ADCY10: variants seen among roughly 807,000 people sequenced by gnomAD.
The protein encoded by ADCY10 is adenylate cyclase type 10.
A neutral mutation model predicts 183.3 loss-of-function variants in ADCY10; 156 were observed. The ratio of observed to expected loss-of-function variants is 0.85; its 90% CI spans 0.75 to 0.97. The LOEUF (loss-of-function observed/expected upper bound fraction) is 0.97, where lower values mean the gene tolerates loss of function less well. Ranked by LOEUF, ADCY10 falls within the 50% of genes least tolerant of loss-of-function variation. The pLI is 0.00. For missense variants in ADCY10, 1,745 were observed against 1,934.3 expected (o/e 0.90, Z 1.84); for synonymous variants, 645 against 670.0 (o/e 0.96, Z 0.58).
chr1:167,815,702 T>G (rs937876247), intron 31 of ADCY10, among the ~76,000 whole-genome samples: 2 of 152,166 alleles, frequency 1.3e-5, no homozygotes, highest in Non-Finnish European at 2.9e-5. Context: ...GAAGCAGACA[T>G]GACAGGGATG....
At chr1:167,909,234 G>GTATTCCATCAGGTGATGGAATATATA (rs1238801267) in intron 1 of ADCY10, among the ~76,000 whole-genome samples, 8 of 152,060 alleles carry the variant, frequency 5.3e-5, no homozygotes, top group Admixed American at 3.3e-4. Context: ...ATGCTATATA[G>GTATTCCATCAGGTGATGGAATATATA]TATTCCATCA....
chr1:167,908,944 A>G (rs570764279), intron 1 of ADCY10, among the ~76,000 whole-genome samples: 1 of 152,372 alleles, frequency 6.6e-6, no homozygotes, highest in African/African-American at 2.4e-5. Context: ...AGGAAAATGT[A>G]CAAATCATAA....
chr1:167,912,728 G>T (rs1007713800), intron 1 of ADCY10, among the ~76,000 whole-genome samples: 1 of 152,114 alleles, frequency 6.6e-6, no homozygotes, highest in Non-Finnish European at 1.5e-5. Context: ...CACTCCACAT[G>T]TGTCTGTGTC....
At chr1:167,818,355 T>G (rs754538929) in intron 30 of ADCY10, 88 bp from the exon 31 acceptor site, 2 of 1,195,284 alleles carry the variant, frequency 1.7e-6, no homozygotes, top group East Asian at 4.7e-5. Context: ...ATGTGCAGCT[T>G]CCTTTACCTG....
intron 8 of ADCY10, among the ~76,000 whole-genome samples, chr1:167,887,249 A>T (rs1020283789): frequency 6.6e-6 from 1 of 152,248 alleles, no homozygotes; most frequent in Non-Finnish European, 1.5e-5. Context: ...ATGCACATGT[A>T]TGTTTATTGT....
chr1:167,846,438 G>A (rs1406978220), intron 19 of ADCY10, among the ~76,000 whole-genome samples, 175 bp from the exon 20 acceptor site: 1 of 152,226 alleles, frequency 6.6e-6, no homozygotes, highest in Non-Finnish European at 1.5e-5. Context: ...GATAGCACTT[G>A]TGCTGGGAGT....
rs1240714692 is a variant in ADCY10, at chr1:167,878,729, C to T, written c.1217-94G>A. On this transcript the variant is annotated intron_variant, in intron 11 of 32. Coordinates refer to ENST00000367851, the MANE Select transcript of ADCY10 (RefSeq NM_018417.6). ...ATTGTCCCCAAATAGCATTTTTACCCTTTACTCCCTTTGCTGTTCATGAGT... is the reference window on the plus strand; with the variant it reads ...ATTGTCCCCAAATAGCATTTTTACCTTTTACTCCCTTTGCTGTTCATGAGT... 7.2e-6 allele frequency: 9 copies of T among 1,249,864 alleles called. No homozygotes were observed. In the African/African-American group the frequency reaches 1.3e-4, roughly 19 times the overall value. 77.4% of individuals were successfully genotyped at this position (1,249,864 alleles called of 1,614,324 possible).
intron 21 of ADCY10, among the ~76,000 whole-genome samples, chr1:167,843,364 G>A (rs564702623): frequency 1.8e-4 from 28 of 152,266 alleles, no homozygotes; most frequent in Admixed American, 9.2e-4. Context: ...GTGTATGTGT[G>A]TGTGTATATG....
rs561633689 is a variant in ADCY10, at chr1:167,859,533, C to T, written c.1896+274G>A. On this transcript the variant is annotated intron_variant, in intron 16 of 32. Coordinates refer to ENST00000367851, the MANE Select transcript of ADCY10 (RefSeq NM_018417.6). The stretch of plus-strand genomic sequence containing the variant: ...GCCTGCATATGTAACCACTTTGGTA[C>T]ATTATATCTCAACAAAGGATGAAAA... Among the ~76,000 whole-genome samples the T allele has an allele frequency of 5.9e-5, 9 of 152,068 alleles. No individual in the cohort carries two copies. The East Asian group carries it at 1.7e-3, about 29-fold the overall frequency.
At chr1:167,881,772 A>G (rs541227265) in intron 9 of ADCY10, among the ~76,000 whole-genome samples, 70 of 152,240 alleles carry the variant, frequency 4.6e-4, no homozygotes, top group Non-Finnish European at 9.6e-4. Flanking sequence ...GCTAAGTCTC[A>G]CAGCTGGGAA....
intron 7 of ADCY10, 25 bp downstream of exon 7, chr1:167,896,570 G>C: frequency 1.3e-6 from 2 of 1,562,096 alleles, no homozygotes; most frequent in Non-Finnish European, 1.8e-6. Flanking sequence ...AGAGGCAAAG[G>C]CATTTTTCCA....
In ADCY10 at chr1:167,870,303, G is replaced by T; in HGVS notation, c.1570C>A (p.Gln524Lys). The change falls in exon 14 of 33, where the codon CAG becomes AAG. Residue 524 changes from glutamine (Q) to lysine (K), a missense_variant. Transcript: ENST00000367851. ...YEGLPGYGKS[Q>K]ILMKIEYLAQ... ...AGGTACTCAATTTTCATAAGTATCT[G>T]GCTTTTTCCATATCCTGGTAATCCC... The T allele has an allele frequency of 6.2e-6, 10 of 1,613,982 alleles. No homozygotes were observed. The highest frequency in any genetic ancestry group is 8.5e-6 in the Non-Finnish European group (10 of 1,179,984).
chr1:167,835,033 T>G lies in ADCY10; in HGVS notation c.3310-956A>C, dbSNP rs76760129. Among the ~76,000 whole-genome samples the G allele has an allele frequency of 9.2e-4, 140 of 152,344 alleles. 2 individuals carry two copies. In the East Asian group the frequency reaches 0.023, roughly 25 times the overall value. On this transcript the variant is annotated intron_variant, in intron 23 of 32. Coordinates refer to ENST00000367851, the MANE Select transcript of ADCY10 (RefSeq NM_018417.6). ...GAACTTAGTGACATTTTTAACAGTT[T>G]AATTTTATAATTTTATATAAATCTA... is the stretch of plus-strand genomic sequence containing the variant.
intron 22 of ADCY10, among the ~76,000 whole-genome samples, 182 bp from the exon 23 acceptor site, chr1:167,836,722 T>C (rs1407329456): frequency 6.6e-6 from 1 of 152,168 alleles, no homozygotes; most frequent in Non-Finnish European, 1.5e-5. Context: ...AAACCCCATC[T>C]CTACTAAAAA....
At position 167,893,860 on chromosome 1, in the gene ADCY10, A is replaced by G; in HGVS notation, c.821T>C (p.Leu274Ser). The change falls in exon 8 of 33, where the codon TTG becomes TCG. Residue 274 changes from leucine (L) to serine (S), a missense_variant. Coordinates refer to ENST00000367851, the MANE Select transcript of ADCY10 (RefSeq NM_018417.6). ...ATTCAATTTTGAAAATACCTGCTTC[A>G]AAATGCTTTCCATCACATACTTTTG... ...SLQKYVMESI[L>S]KQIDNKQLQG... 1 of 1,612,626 alleles carries G rather than the reference A, an allele frequency of 6.2e-7. No individual in the cohort carries two copies. The highest frequency in any genetic ancestry group is 8.5e-7 in the Non-Finnish European group (1 of 1,178,880).
At position 167,880,110 on chromosome 1, in the gene ADCY10, C is replaced by T; in HGVS notation, c.1216+5G>A. ...GAAAGCTGGAGATGAGCTGACCCAG[C>T]ACACCTGTGTACTCGTGTCTCACAG... On this transcript the variant is annotated splice_donor_5th_base_variant and intron_variant, in intron 11 of 32. Coordinates refer to ENST00000367851, the MANE Select transcript of ADCY10 (RefSeq NM_018417.6). 1.2e-6 allele frequency: 2 copies of T among 1,610,722 alleles called. No individual in the cohort carries two copies. The highest frequency in any genetic ancestry group is 1.7e-6 in the Non-Finnish European group (2 of 1,178,680).
intron 7 of ADCY10, among the ~76,000 whole-genome samples, chr1:167,894,659 T>G (rs1668833147): frequency 6.6e-6 from 1 of 151,974 alleles, no homozygotes; most frequent in Non-Finnish European, 1.5e-5. Flanking sequence ...TGGTCCTGAT[T>G]TGTAGCCTTT....
Position 167,836,528 on chromosome 1 carries a change from T to C in ADCY10, c.3090A>G (p.Ile1030Met), listed in dbSNP as rs771201801. 2 of 1,604,506 alleles carry C rather than the reference T, an allele frequency of 1.2e-6. No individual in the cohort carries two copies. The highest frequency in any genetic ancestry group is 2.2e-5 in the South Asian group (2 of 90,874). Residue 1030 changes from isoleucine (I) to methionine (M), a missense_variant, in exon 23 of 33, where the codon ATA (isoleucine) becomes ATG (methionine). Physicochemically the swap from Ile to Met is conservative, Grantham distance 10 (BLOSUM62 1). Coordinates refer to ENST00000367851, the MANE Select transcript of ADCY10 (RefSeq NM_018417.6). ...FFPENRSPEE[I>M]REKILNFFDH... Reference sequence around the variant, plus strand: ...CAAAGAAATTCAAGATCTTTTCTCTTATTTCTTCAGGACTGTCCATATGCA... The same window carrying C: ...CAAAGAAATTCAAGATCTTTTCTCTCATTTCTTCAGGACTGTCCATATGCA...
chr1:167,888,178 T>TA (rs1668355513), intron 8 of ADCY10, among the ~76,000 whole-genome samples: 1 of 152,234 alleles, frequency 6.6e-6, no homozygotes, highest in Non-Finnish European at 1.5e-5. Context: ...TGGGTTGCTA[T>TA]AGCTGTGGTA....
Sources: gnomAD v4.1 joint callset for allele counts (sites outside exome capture counted in the v4.1 genomes callset) on GRCh38, gnomAD v4.1.1 for gene constraint, MANE v1.5 for transcripts, NCBI Gene and HGNC (gene_info 2026-07-23, HGNC 2026-07-21) for gene names.